The following BCL11B variants were observed in gnomAD, a reference collection of about 807,000 sequenced individuals.
BCL11B encodes B-cell lymphoma/leukemia 11B.
In BCL11B, 8 loss-of-function variants were observed where a neutral mutation model predicts 49.9. The ratio of observed to expected loss-of-function variants is 0.16; its 90% CI spans 0.09 to 0.29. The LOEUF is 0.29. Ranked by LOEUF, BCL11B falls within the 10% of genes least tolerant of loss-of-function variation. BCL11B has a pLI of 1.00. For missense variants in BCL11B, 1,006 were observed against 1,351.0 expected, an observed-to-expected ratio of 0.74 and a Z score of 4.00; for synonymous variants, 739 against 637.4, an observed-to-expected ratio of 1.16 and a Z score of -2.40.
chr14:99,271,264 G>T lies in BCL11B; in HGVS notation c.-46C>A. 1 of 1,287,090 alleles carries T rather than the reference G, an allele frequency of 7.8e-7. No homozygotes were observed. Among genetic ancestry groups the T allele is most frequent in the Non-Finnish European group, 9.8e-7 (1 of 1,015,410 alleles). The allele number at this position is 1,287,090 out of a possible 1,614,324, so 79.7% of individuals were successfully genotyped here. ...CATCGCCCGGAGAGCTGCACTGATG[G>T]GGGGAGCCGGGGGAGGGGGTCCGAG... On this transcript the variant is annotated 5_prime_UTR_variant, in exon 1 of 4. Transcript: ENST00000357195.
chr14:99,198,390 T>C (rs1405192377), intron 3 of BCL11B, among the ~76,000 whole-genome samples: 1 of 152,214 alleles, frequency 6.6e-6, no homozygotes, highest in African/African-American at 2.4e-5. Context: ...TTCAAACAGC[T>C]GAGCTCCTGC....
intron 3 of BCL11B, among the ~76,000 whole-genome samples, chr14:99,224,581 G>A (rs535202467): frequency 8.5e-5 from 13 of 152,174 alleles, no homozygotes; most frequent in Non-Finnish European, 1.2e-4. Context: ...AAGGCTTTCC[G>A]GCATCTCAGC....
rs1887064752 is a variant in BCL11B, at chr14:99,192,583, G to T, written c.641-16388C>A. 1.3e-5 allele frequency among the ~76,000 whole-genome samples: 2 copies of T among 152,168 alleles called. No individual in the cohort carries two copies. Among genetic ancestry groups the T allele is most frequent in the Non-Finnish European group, 1.5e-5 (1 of 68,036 alleles). On this transcript the variant is annotated intron_variant, in intron 3 of 3. Transcript: ENST00000357195. The surrounding 1 kb of genome is among the most constrained non-coding windows in gnomAD (Gnocchi z 4.0). ...CTCTACCCTCCTGCTGTCCTGCCAG[G>T]TACCAGGTGTACCAGACCGGCTGAA...
At chr14:99,179,216 G>A (rs1342886701) in intron 3 of BCL11B, among the ~76,000 whole-genome samples, 1 of 152,172 alleles carries the variant, frequency 6.6e-6, no homozygotes, top group East Asian at 1.9e-4. Flanking sequence ...GCTCACGCCT[G>A]TAATCCCAGC....
Position 99,194,046 on chromosome 14 carries a change from T to A in BCL11B, c.641-17851A>T, listed in dbSNP as rs1403134989. Among the ~76,000 whole-genome samples, 4 of 152,142 alleles carry A rather than the reference T, an allele frequency of 2.6e-5. No homozygotes were observed. The highest frequency in any genetic ancestry group is 5.9e-5 in the Non-Finnish European group (4 of 68,034). On this transcript the variant is annotated intron_variant, in intron 3 of 3. Transcript: ENST00000357195. The surrounding 1 kb of genome is among the most constrained non-coding windows in gnomAD (Gnocchi z 4.6). ...TTTCAATGGTTTCTGCCAGACAATATGGGCCCAAAGCAAATGGCAAATTCA... is the reference window on the plus strand; with the variant it reads ...TTTCAATGGTTTCTGCCAGACAATAAGGGCCCAAAGCAAATGGCAAATTCA...
intron 1 of BCL11B, chr14:99,264,375 G>C (rs1009018758): frequency 4.0e-5 from 6 of 151,126 alleles, no homozygotes; most frequent in African/African-American, 1.5e-4. Flanking sequence ...AACTTTTCTT[G>C]AGTCATTTCT....
At chr14:99,227,445 C>T (rs1049702893) in intron 3 of BCL11B, among the ~76,000 whole-genome samples, 1 of 152,114 alleles carries the variant, frequency 6.6e-6, no homozygotes, top group African/African-American at 2.4e-5. Context: ...GCCTTCACCC[C>T]CAAGCAGTCT....
Position 99,271,435 on chromosome 14 carries a change from GT to G in BCL11B, c.-218del, listed in dbSNP as rs1393855997. ...TTTATTTTGCTCTTTCTTCTATGCT[GT>G]TTTTTGTTTTGTTTGCAAAAAGAAA... is the stretch of plus-strand genomic sequence containing the variant. On this transcript the variant is annotated 5_prime_UTR_variant, in exon 1 of 4. Coordinates refer to ENST00000357195, the MANE Select transcript of BCL11B (RefSeq NM_138576.4). 5.6e-5 allele frequency: 13 copies of G among 230,942 alleles called. No homozygotes were observed. The highest frequency in any genetic ancestry group is 2.3e-4 in the African/African-American group (10 of 42,662). 14.3% of individuals were successfully genotyped at this position (230,942 alleles called of 1,614,324 possible).
intron 2 of BCL11B, among the ~76,000 whole-genome samples, chr14:99,253,057 G>A (rs1889053030): frequency 6.6e-6 from 1 of 152,226 alleles, no homozygotes; most frequent in Non-Finnish European, 1.5e-5. Flanking sequence ...GGCCCAACCG[G>A]TGCCAGGTGG....
At chr14:99,199,683 T>TGTGTGTGTGCGCGCGCGCGCGC (rs759599743) in intron 3 of BCL11B, among the ~76,000 whole-genome samples, 1 of 73,644 alleles carries the variant, frequency 1.4e-5, no homozygotes, top group African/African-American at 3.4e-5. Flanking sequence ...TGTGTGTGTG[T>TGTGTGTGTGCGCGCGCGCGCGC]GCGCGCGCGC....
At chr14:99,256,801 C>A (rs1364227789) in intron 2 of BCL11B, among the ~76,000 whole-genome samples, 1 of 152,168 alleles carries the variant, frequency 6.6e-6, no homozygotes, top group Non-Finnish European at 1.5e-5. Flanking sequence ...GCATATCCAA[C>A]CTCCCCCAAC....
chr14:99,207,234 C>G (rs989264545), intron 3 of BCL11B, among the ~76,000 whole-genome samples: 2 of 152,154 alleles, frequency 1.3e-5, no homozygotes, highest in Non-Finnish European at 2.9e-5. Context: ...CAAGAGACTT[C>G]AAATTCCTCT....
chr14:99,250,866 A>AG (rs1174025526), intron 2 of BCL11B, among the ~76,000 whole-genome samples: 1 of 7,088 alleles, frequency 1.4e-4, no homozygotes, highest in Admixed American at 2.8e-3. Flanking sequence ...AAACCTTAAG[A>AG]GAAAAAAAAA....
chr14:99,174,484 G>A lies in BCL11B; in HGVS notation c.2352C>T (p.Pro784=), dbSNP rs1311997494. 1.9e-6 allele frequency: 3 copies of A among 1,572,478 alleles called. No individual in the cohort carries two copies. Among genetic ancestry groups the A allele is most frequent in the East Asian group, 2.4e-5 (1 of 41,944 alleles). Residue 784 remains proline (P), a synonymous_variant, in exon 4 of 4, where the codon CCC becomes CCT. Coordinates refer to ENST00000357195, the MANE Select transcript of BCL11B (RefSeq NM_138576.4). ...GSTPHLGGPG[P]GRPSSKEGRR... is the part of the protein sequence containing the mutation. ...GGCCCTCCTTGGAGCTGGGCCGCCC[G>A]GGGCCCGGGCCGCCCAGGTGCGGGG...
chr14:99,223,943 C>A (rs1237521669), intron 3 of BCL11B, among the ~76,000 whole-genome samples: 1 of 152,146 alleles, frequency 6.6e-6, no homozygotes, highest in African/African-American at 2.4e-5. Context: ...CAGAGAAAGG[C>A]GCCATGGGGA....
At chr14:99,260,663 T>C (rs1889309935) in intron 1 of BCL11B, among the ~76,000 whole-genome samples, 1 of 152,184 alleles carries the variant, frequency 6.6e-6, no homozygotes, top group Admixed American at 6.5e-5. Flanking sequence ...TTTATTTTTT[T>C]ATTTTTGGTA....
At chr14:99,215,355 C>T (rs1444314132) in intron 3 of BCL11B, among the ~76,000 whole-genome samples, 1 of 152,166 alleles carries the variant, frequency 6.6e-6, no homozygotes, top group Admixed American at 6.5e-5. Flanking sequence ...TTTCGGAGAC[C>T]GCAGTCTATT....
chr14:99,182,216 C>T (rs1361870558), intron 3 of BCL11B, among the ~76,000 whole-genome samples: 2 of 152,178 alleles, frequency 1.3e-5, no homozygotes, highest in Non-Finnish European at 2.9e-5. Context: ...TACCACCTGC[C>T]AGGCATGAGC....
chr14:99,222,097 G>A lies in BCL11B; in HGVS notation c.640+9248C>T, dbSNP rs113161275. ...GTATCTCATGGTTTAGACTATTTGG[G>A]TTTAATTGTAAAATATACACAGAAC... On this transcript the variant is annotated intron_variant, in intron 3 of 3. Coordinates refer to ENST00000357195, the MANE Select transcript of BCL11B (RefSeq NM_138576.4). 3.3e-3 allele frequency among the ~76,000 whole-genome samples: 496 copies of A among 152,280 alleles called. 4 individuals carry two copies. The highest frequency in any genetic ancestry group is 0.011 in the African/African-American group (460 of 41,550).
Sources: allele counts gnomAD v4.1 joint callset (sites outside exome capture counted in the v4.1 genomes callset), GRCh38; gene constraint gnomAD v4.1.1; non-coding constraint Gnocchi (gnomAD v3.1); transcripts MANE v1.5; gene names NCBI Gene and HGNC (gene_info 2026-07-23, HGNC 2026-07-21).